CHRNA4: variants seen among roughly 807,000 people sequenced by gnomAD.
CHRNA4 encodes the protein cholinergic receptor nicotinic alpha 4 subunit, also known as neuronal acetylcholine receptor subunit alpha-4.
A neutral mutation model predicts 48.9 loss-of-function variants in CHRNA4; 28 were observed. The ratio of observed to expected loss-of-function variants is 0.57; its 90% CI spans 0.42 to 0.79. The LOEUF (loss-of-function observed/expected upper bound fraction) is 0.79, where lower values mean the gene tolerates loss of function less well. Ranked by LOEUF, CHRNA4 falls within the 30% of genes least tolerant of loss-of-function variation. The probability of loss-of-function intolerance (pLI) is 0.00; values close to 1 mark genes in which losing one functional copy is unlikely to be tolerated. For synonymous variants in CHRNA4, 425 were observed against 402.3 expected, an observed-to-expected ratio of 1.06 and a Z score of -0.68; for missense variants, 859 against 898.4, an observed-to-expected ratio of 0.96 and a Z score of 0.56.
chr20:63,357,099 C>T (rs1324306473), intron 2 of CHRNA4, among the ~76,000 whole-genome samples: 1 of 141,046 alleles, frequency 7.1e-6, no homozygotes, highest in Non-Finnish European at 1.5e-5. Context: ...CACATCCCCA[C>T]AGGACCACAT....
chr20:63,352,609 G>T (rs978168730), intron 4 of CHRNA4, among the ~76,000 whole-genome samples: 1 of 152,146 alleles, frequency 6.6e-6, no homozygotes, highest in Non-Finnish European at 1.5e-5. Flanking sequence ...CCTCTCCCCA[G>T]CCCATCTCTC....
chr20:63,359,897 CTG>C lies in CHRNA4; in HGVS notation c.77-200_77-199del, dbSNP rs57641753. On this transcript the variant is annotated intron_variant, in intron 1 of 5. Transcript: ENST00000370263. The stretch of plus-strand genomic sequence containing the variant: ...TGTGTGTGTGTGTGCCGGGCGTGTG[CTG>C]TGTGTGTGTGTGTGTGTGTGTGTGT... The C allele has an allele frequency of 4.9e-3, 2,135 of 431,722 alleles. 6 individuals are homozygous for C. The highest frequency in any genetic ancestry group is 0.027 in the African/African-American group (818 of 30,552). 26.7% of individuals were successfully genotyped at this position (431,722 alleles called of 1,614,324 possible). A position where few individuals can be genotyped will look rare whatever the true frequency, so the allele number is the denominator to read the frequency against.
rs865788079 is a variant in CHRNA4 at position 63,361,191 on chromosome 20, A to G, written c.-26T>C. ...GGCGCACGCACCTCGCGGGCTCTAG[A>G]TGCGGGCGGCTCCCGGCTCCCCGCC... On this transcript the variant is annotated 5_prime_UTR_variant, in exon 1 of 6. Coordinates refer to ENST00000370263, the MANE Select transcript of CHRNA4 (RefSeq NM_000744.7). 2 of 1,459,448 alleles carry G rather than the reference A, an allele frequency of 1.4e-6. No homozygotes were observed. The highest frequency in any genetic ancestry group is 9.0e-7 in the Non-Finnish European group (1 of 1,108,884). The allele number at this position is 1,459,448 out of a possible 1,614,324, so 90.4% of individuals were successfully genotyped here.
rs747447329 is a variant in CHRNA4 at position 63,359,744 on chromosome 20, G to A, written c.77-45C>T. ...AGTGGCTCAGGTGCAGGCGGGACAG[G>A]AGCCGGGAGCTGTCCAGGAGCTCTC... On this transcript the variant is annotated intron_variant, in intron 1 of 5. Transcript: ENST00000370263. 3 of 1,594,958 alleles carry A rather than the reference G, an allele frequency of 1.9e-6. No individual in the cohort carries two copies. In the African/African-American group the frequency reaches 4.0e-5, roughly 21 times the overall value.
At position 63,344,915 on chromosome 20, in the gene CHRNA4, G is replaced by A. The variant is rs900339375; in HGVS notation, c.*1823C>T. ...ACGGGGGATGTGGGAGGGGCCAGGG[G>A]GCTGGGGATGCCCAGGATTTGGCAC... On this transcript the variant is annotated 3_prime_UTR_variant, in exon 6 of 6. Transcript: ENST00000370263. This position sits in a 1 kb window ranked among gnomAD's most constrained non-coding sequence, Gnocchi z 4.5. 1 of 404,882 alleles carries A rather than the reference G, an allele frequency of 2.5e-6. No individual in the cohort carries two copies. Among genetic ancestry groups the A allele is most frequent in the Admixed American group, 2.5e-5 (1 of 39,218 alleles). The allele number at this position is 404,882 out of a possible 1,614,324, so 25.1% of individuals were successfully genotyped here. A position where few individuals can be genotyped will look rare whatever the true frequency, so the allele number is the denominator to read the frequency against.
At chr20:63,354,621 T>G in intron 4 of CHRNA4, 1 of 396,882 alleles carries the variant, frequency 2.5e-6, no homozygotes, top group Non-Finnish European at 3.1e-6. Flanking sequence ...GCTGTGGTCC[T>G]GGGGGTTTGA....
intron 5 of CHRNA4, among the ~76,000 whole-genome samples, chr20:63,349,023 C>A (rs2068539896): frequency 6.6e-6 from 1 of 152,074 alleles, no homozygotes; most frequent in Non-Finnish European, 1.5e-5. Context: ...GTGGGCTGGC[C>A]CCGGGCCCCG....
intron 5 of CHRNA4, among the ~76,000 whole-genome samples, chr20:63,348,832 A>C (rs1379393763): frequency 6.8e-6 from 1 of 146,100 alleles, no homozygotes; most frequent in Admixed American, 7.0e-5. Flanking sequence ...CTGCAGAAGG[A>C]AACAGGGAAG....
At position 63,350,562 on chromosome 20, in the gene CHRNA4, C is replaced by G; in HGVS notation, c.849G>C (p.Leu283=). 1 of 1,613,938 alleles carries G rather than the reference C, an allele frequency of 6.2e-7. No individual in the cohort carries two copies. Among genetic ancestry groups the G allele is most frequent in the Non-Finnish European group, 8.5e-7 (1 of 1,180,010 alleles). ...TGAGCAGCAGGAAGACGGTGAGCGACAGCAGCACGGAGATGCACAGCGTGA... is the reference window on the plus strand; with the variant it reads ...TGAGCAGCAGGAAGACGGTGAGCGAGAGCAGCACGGAGATGCACAGCGTGA... ...EKITLCISVL[L]SLTVFLLLIT... is the part of the protein sequence containing the mutation. Residue 283 remains leucine (L), a synonymous_variant, in exon 5 of 6, where the codon CTG becomes CTC. Transcript: ENST00000370263.
Position 63,349,768 on chromosome 20 carries a change from G to A in CHRNA4, c.1643C>T (p.Thr548Ile), listed in dbSNP as rs1323089631. The A allele has an allele frequency of 6.2e-7, 1 of 1,611,378 alleles. No individual in the cohort carries two copies. Among genetic ancestry groups the A allele is most frequent in the Non-Finnish European group, 8.5e-7 (1 of 1,178,908 alleles). Residue 548 changes from threonine to isoleucine, a missense_variant, in exon 5 of 6, where the codon ACC (threonine) becomes ATC (isoleucine). Coordinates refer to ENST00000370263, the MANE Select transcript of CHRNA4 (RefSeq NM_000744.7). ...CGGGGGCGGCGCTTTGGTGCTGCGG[G>A]TCTTGACCGTGGCGCTCGGGGACAC... is the stretch of plus-strand genomic sequence containing the variant. The part of the protein sequence containing the change: ...SSVSPSATVK[T>I]RSTKAPPPHL...
intron 1 of CHRNA4, chr20:63,360,251 C>G (rs951869382): frequency 6.0e-6 from 1 of 165,312 alleles, no homozygotes; most frequent in Non-Finnish European, 1.3e-5. Context: ...AGGATCGGGC[C>G]CCCACAAGCG....
chr20:63,350,889 G>C lies in CHRNA4; in HGVS notation c.522C>G (p.Asn174Lys), dbSNP rs2068586748. The part of the protein sequence containing the change: ...DVTFFPFDQQ[N>K]CTMKFGSWTY... ...TCCAGGAGCCGAATTTCATGGTGCA[G>C]TTCTGCTGGTCGAAGGGGAAGAAGG... The change falls in exon 5 of 6, where the codon AAC (asparagine) becomes AAG (lysine). Residue 174 changes from asparagine to lysine, a missense_variant. By Grantham distance (94) the Asn-to-Lys change is moderately conservative. Coordinates refer to ENST00000370263, the MANE Select transcript of CHRNA4 (RefSeq NM_000744.7). 2 of 1,614,058 alleles carry C rather than the reference G, an allele frequency of 1.2e-6. No homozygotes were observed. The highest frequency in any genetic ancestry group is 1.1e-5 in the South Asian group (1 of 91,082).
chr20:63,347,851 CTGAT>C (rs924225326), intron 5 of CHRNA4, among the ~76,000 whole-genome samples: 1 of 152,158 alleles, frequency 6.6e-6, no homozygotes, highest in Non-Finnish European at 1.5e-5. Context: ...GCCTCCTGCT[CTGAT>C]TGTTTATAGC....
At position 63,361,276 on chromosome 20, in the gene CHRNA4, C is replaced by CTCGCGG; in HGVS notation, c.-112_-111insCCGCGA. 1 of 1,373,392 alleles carries CTCGCGG rather than the reference C, an allele frequency of 7.3e-7. No homozygotes were observed. Among genetic ancestry groups the CTCGCGG allele is most frequent in the Non-Finnish European group, 9.4e-7 (1 of 1,064,770 alleles). The allele number at this position is 1,373,392 out of a possible 1,614,324, so 85.1% of individuals were successfully genotyped here. ...CCCGCGCCTCGCGGGCCGCTTCGGC[C>CTCGCGG]GCCGGGCCCGGTTCGTCTTCTCCTG... is the stretch of plus-strand genomic sequence containing the variant. On this transcript the variant is annotated 5_prime_UTR_variant, in exon 1 of 6. Transcript: ENST00000370263.
At chr20:63,356,341 G>C (rs554896069) in intron 3 of CHRNA4, 30 bp downstream of exon 3, 4 of 1,560,844 alleles carry the variant, frequency 2.6e-6, no homozygotes, top group Non-Finnish European at 3.5e-6. Flanking sequence ...GGAGGGCAGG[G>C]GTGGGGCAGG....
At chr20:63,357,030 G>A (rs13036436) in intron 2 of CHRNA4, among the ~76,000 whole-genome samples, 105,563 of 137,852 alleles carry the variant, frequency 0.77, 39,163 homozygotes, top group East Asian at 0.88. Flanking sequence ...ACAGAACCAC[G>A]TCCCCACAGG....
At chr20:63,349,440 G>A in intron 5 of CHRNA4, 1 of 632,422 alleles carries the variant, frequency 1.6e-6, no homozygotes, top group Non-Finnish European at 2.7e-6. Context: ...CCCTGTGCCA[G>A]CCACTCGGGG....
intron 2 of CHRNA4, chr20:63,359,327 G>C (rs1416809840): frequency 1.6e-6 from 1 of 634,194 alleles, no homozygotes; most frequent in Non-Finnish European, 2.8e-6. Context: ...CACGTCAAGG[G>C]GGAGGAAAGG....
Position 63,345,777 on chromosome 20 carries a change from G to C in CHRNA4, c.*961C>G, listed in dbSNP as rs1303008919. ...CTTCCCGAACCCAGAGCCCAGGGCG[G>C]ATCTCCCGGGCTGCGCGCCAAGGTG... On this transcript the variant is annotated 3_prime_UTR_variant, in exon 6 of 6. Transcript: ENST00000370263. This position sits in a 1 kb window ranked among gnomAD's most constrained non-coding sequence, Gnocchi z 5.4. The C allele has an allele frequency of 6.8e-6, 3 of 442,966 alleles. No homozygotes were observed. Among genetic ancestry groups the C allele is most frequent in the South Asian group, 4.7e-5 (3 of 64,176 alleles). The allele number at this position is 442,966 out of a possible 1,614,324, so 27.4% of individuals were successfully genotyped here.
Sources: allele counts gnomAD v4.1 joint callset (sites outside exome capture counted in the v4.1 genomes callset), GRCh38; gene constraint gnomAD v4.1.1; non-coding constraint Gnocchi (gnomAD v3.1); transcripts MANE v1.5; gene names NCBI Gene and HGNC (gene_info 2026-07-23, HGNC 2026-07-21).